RRAGD: variants seen among roughly 807,000 people sequenced by gnomAD.
RRAGD encodes the protein Ras related GTP binding D, also known as ras-related GTP-binding protein D.
In RRAGD, 12 loss-of-function variants were observed where a neutral mutation model predicts 35.5. The ratio of observed to expected loss-of-function variants is 0.34; its 90% CI spans 0.22 to 0.55. The LOEUF is 0.55. Ranked by LOEUF, RRAGD falls within the 20% of genes least tolerant of loss-of-function variation. RRAGD has a pLI of 0.91. For missense variants in RRAGD, 324 were observed against 490.1 expected (o/e 0.66, Z 3.20); for synonymous variants, 155 against 178.9 (o/e 0.87, Z 1.07).
chr6:89,408,034 G>C (rs1033278382), intron 1 of RRAGD, among the ~76,000 whole-genome samples: 2 of 152,040 alleles, frequency 1.3e-5, no homozygotes, highest in African/African-American at 4.8e-5. Context: ...TTTAACTTTG[G>C]GCACATCATT....
chr6:89,383,688 C>T (rs1472354754), intron 2 of RRAGD, among the ~76,000 whole-genome samples: 1 of 152,160 alleles, frequency 6.6e-6, no homozygotes, highest in African/African-American at 2.4e-5. Context: ...CTCTTGCTTT[C>T]ATTCTTTTTT....
At chr6:89,384,689 C>T (rs374088052) in intron 2 of RRAGD, among the ~76,000 whole-genome samples, 3 of 151,998 alleles carry the variant, frequency 2.0e-5, no homozygotes, top group African/African-American at 7.2e-5. Flanking sequence ...GTGGCGGGCG[C>T]CTGCAGTCCC....
chr6:89,390,087 T>A (rs530485373), intron 1 of RRAGD, among the ~76,000 whole-genome samples: 1 of 152,272 alleles, frequency 6.6e-6, no homozygotes, highest in East Asian at 1.9e-4. Flanking sequence ...TAAATCAAAA[T>A]GTTTTATTTA....
chr6:89,379,149 A>G, intron 4 of RRAGD, 75 bp downstream of exon 4: 1 of 726,868 alleles, frequency 1.4e-6, no homozygotes, highest in African/African-American at 1.8e-5. Flanking sequence ...GCAATCGGAA[A>G]TAAGATCTTT....
chr6:89,373,216 G>A (rs1768881389), intron 5 of RRAGD, among the ~76,000 whole-genome samples: 1 of 152,224 alleles, frequency 6.6e-6, no homozygotes, highest in Non-Finnish European at 1.5e-5. Flanking sequence ...TGGCAAATTG[G>A]TAAAAACTGA....
chr6:89,393,351 A>C (rs1236131466), intron 1 of RRAGD, among the ~76,000 whole-genome samples: 1 of 152,244 alleles, frequency 6.6e-6, no homozygotes, highest in Non-Finnish European at 1.5e-5. Context: ...ACAGGAAGGA[A>C]TATGAAGACA....
intron 1 of RRAGD, among the ~76,000 whole-genome samples, chr6:89,396,073 G>A (rs566148762): frequency 8.6e-5 from 13 of 151,994 alleles, no homozygotes; most frequent in East Asian, 1.9e-4. Context: ...ATGACTTTGC[G>A]TTAGGCAAAA....
At chr6:89,368,501 CT>C (rs970138737) in intron 6 of RRAGD, among the ~76,000 whole-genome samples, 2 of 151,514 alleles carry the variant, frequency 1.3e-5, no homozygotes, top group East Asian at 1.9e-4. Context: ...CTGAACTGAA[CT>C]TTTTTTTTAA....
rs145021959 is a variant in RRAGD, at chr6:89,401,676, T to G, written c.148+10170A>C. Among the ~76,000 whole-genome samples the G allele has an allele frequency of 6.6e-5, 10 of 152,170 alleles. No individual in the cohort carries two copies. In the East Asian group the frequency reaches 1.9e-3, roughly 29 times the overall value. On this transcript the variant is annotated intron_variant, in intron 1 of 6. Coordinates refer to ENST00000369415, the MANE Select transcript of RRAGD (RefSeq NM_021244.5). ...CTGGCCTTCCAGAAGGTTCCTCAGC[T>G]CAGGATCTCACTTTGCTCTTCCCTC...
At position 89,395,530 on chromosome 6, in the gene RRAGD, T is replaced by C. The variant is rs532200531; in HGVS notation, c.149-7940A>G. 2.3e-4 allele frequency among the ~76,000 whole-genome samples: 35 copies of C among 152,360 alleles called. No homozygotes were observed. In the South Asian group the frequency reaches 6.6e-3, roughly 29 times the overall value. ...GCTGTTTTATGTTTAATTCCAAAGA[T>C]GCACAAGTTCACTGAAAACCTTTGA... On this transcript the variant is annotated intron_variant, in intron 1 of 6. Coordinates refer to ENST00000369415, the MANE Select transcript of RRAGD (RefSeq NM_021244.5).
intron 1 of RRAGD, among the ~76,000 whole-genome samples, chr6:89,400,589 A>G (rs931727296): frequency 4.9e-5 from 7 of 143,674 alleles, no homozygotes; most frequent in Non-Finnish European, 9.1e-5. Flanking sequence ...GTTCAAGGAC[A>G]GGCACTAAAA....
chr6:89,375,730 G>A (rs1486992989), intron 5 of RRAGD, among the ~76,000 whole-genome samples: 5 of 152,208 alleles, frequency 3.3e-5, no homozygotes, highest in African/African-American at 4.8e-5. Flanking sequence ...ACAATCTGAG[G>A]AAACCCCAGA....
chr6:89,407,532 T>C lies in RRAGD; in HGVS notation c.148+4314A>G, dbSNP rs188863932. On this transcript the variant is annotated intron_variant, in intron 1 of 6. Transcript: ENST00000369415. ...GGGCACCTGTAATCAATCCCACCTA[T>C]TGGGGAGGCTGAGGCAGGAGAATCA... Among the ~76,000 whole-genome samples, 93 of 151,988 alleles carry C rather than the reference T, an allele frequency of 6.1e-4. 2 individuals are homozygous for C. The highest frequency in any genetic ancestry group is 1.9e-3 in the African/African-American group (80 of 41,452).
intron 2 of RRAGD, among the ~76,000 whole-genome samples, chr6:89,383,407 A>T (rs971048356): frequency 6.6e-6 from 1 of 152,196 alleles, no homozygotes; most frequent in Non-Finnish European, 1.5e-5. Flanking sequence ...AAAAAAAGAA[A>T]ATACTTGGTT....
At chr6:89,392,811 A>G (rs1769262340) in intron 1 of RRAGD, among the ~76,000 whole-genome samples, 1 of 152,232 alleles carries the variant, frequency 6.6e-6, no homozygotes, top group African/African-American at 2.4e-5. Flanking sequence ...AGAAAAATTA[A>G]GCAGGTACAG....
intron 1 of RRAGD, among the ~76,000 whole-genome samples, chr6:89,402,101 G>A (rs1034711057): frequency 3.0e-5 from 4 of 132,126 alleles, no homozygotes; most frequent in Admixed American, 8.6e-5. Flanking sequence ...AGGCTAGAGT[G>A]TAGTGGTGCA....
chr6:89,386,744 C>T (rs1769142341), intron 2 of RRAGD, among the ~76,000 whole-genome samples: 1 of 151,978 alleles, frequency 6.6e-6, no homozygotes. Flanking sequence ...CTTATTCAAG[C>T]ATGGATATAT....
chr6:89,395,463 A>C (rs1769315645), intron 1 of RRAGD, among the ~76,000 whole-genome samples: 1 of 152,240 alleles, frequency 6.6e-6, no homozygotes, highest in African/African-American at 2.4e-5. Context: ...TAAGTAAATA[A>C]GATAAAACAA....
intron 1 of RRAGD, among the ~76,000 whole-genome samples, chr6:89,410,422 T>C (rs1025712596): frequency 6.6e-6 from 1 of 152,222 alleles, no homozygotes; most frequent in African/African-American, 2.4e-5. Context: ...TGAATAATAA[T>C]GAGGCGACTG....
Sources: allele counts gnomAD v4.1 joint callset (sites outside exome capture counted in the v4.1 genomes callset), GRCh38; gene constraint gnomAD v4.1.1; transcripts MANE v1.5; gene names NCBI Gene and HGNC (gene_info 2026-07-23, HGNC 2026-07-21).